RYR2: variants seen among roughly 807,000 people sequenced by gnomAD.
RYR2 encodes cardiac muscle ryanodine receptor-calcium release channel.
RYR2 carries 227 observed loss-of-function variants against 601.1 expected under a neutral mutation model. That is an observed-to-expected ratio of 0.38 (90% CI 0.34 to 0.42). The LOEUF is 0.42. Among genes scored for constraint, RYR2 ranks in the 10% least tolerant of loss-of-function variants. The pLI, the probability that RYR2 is intolerant of heterozygous loss-of-function variation, is 1.00. For missense variants in RYR2, 4,646 were observed against 6,156.5 expected (o/e 0.75, Z 8.21); for synonymous variants, 2,223 against 2,175.1 (o/e 1.02, Z -0.61).
At chr1:237,309,914 A>G (rs1361666807) in intron 2 of RYR2, among the ~76,000 whole-genome samples, 2 of 151,996 alleles carry the variant, frequency 1.3e-5, no homozygotes, top group Non-Finnish European at 2.9e-5. Context: ...CCAGCCAGCC[A>G]CTCCGAGTGC....
chr1:237,237,018 G>A (rs953839860), intron 1 of RYR2, among the ~76,000 whole-genome samples: 1 of 152,108 alleles, frequency 6.6e-6, no homozygotes. Flanking sequence ...ATAATGATAT[G>A]AGTGAGTGCC....
At chr1:237,553,559 T>C (rs1019050997) in intron 27 of RYR2, among the ~76,000 whole-genome samples, 1 of 152,002 alleles carries the variant, frequency 6.6e-6, no homozygotes, top group Non-Finnish European at 1.5e-5. Flanking sequence ...CATTTCCATA[T>C]ACATTTAGAT....
intron 12 of RYR2, among the ~76,000 whole-genome samples, chr1:237,428,602 G>T (rs1706453781): frequency 1.3e-5 from 2 of 149,216 alleles, no homozygotes; most frequent in African/African-American, 4.9e-5. Context: ...TCTCGGTGGG[G>T]CGGGGGTGCA....
intron 1 of RYR2, among the ~76,000 whole-genome samples, chr1:237,187,045 C>G (rs1679422852): frequency 6.6e-6 from 1 of 152,154 alleles, no homozygotes; most frequent in African/African-American, 2.4e-5. Flanking sequence ...TTTGCGAACT[C>G]TGAAAGTCAA....
rs917205535 is a variant in RYR2 at position 237,178,390 on chromosome 1, G to A, written c.49-92107G>A. On this transcript the variant is annotated intron_variant, in intron 1 of 104. Coordinates refer to ENST00000366574, the MANE Select transcript of RYR2 (RefSeq NM_001035.3). ...TTGTTAAGGCTTTTTTGTTTTTGTAGTTAAGGCTCTTTTGTAGTTAAGGCT... is the reference window on the plus strand; with the variant it reads ...TTGTTAAGGCTTTTTTGTTTTTGTAATTAAGGCTCTTTTGTAGTTAAGGCT... 2.1e-5 allele frequency among the ~76,000 whole-genome samples: 3 copies of A among 140,500 alleles called. No homozygotes were observed. In the South Asian group the frequency reaches 7.0e-4, roughly 33 times the overall value. 92.2% of individuals were successfully genotyped at this position (140,500 alleles called of 152,430 possible).
chr1:237,479,322 A>G (rs895986779), intron 17 of RYR2, among the ~76,000 whole-genome samples: 5 of 152,204 alleles, frequency 3.3e-5, no homozygotes, highest in South Asian at 2.1e-4. Context: ...TTGTCAATGT[A>G]TTGCACAACC....
At position 237,106,622 on chromosome 1, in the gene RYR2, G is replaced by C. The variant is rs1305276337; in HGVS notation, c.48+64053G>C. 6.6e-6 allele frequency among the ~76,000 whole-genome samples: 1 copy of C among 152,156 alleles called. No homozygotes were observed. The highest frequency in any genetic ancestry group is 1.5e-5 in the Non-Finnish European group (1 of 68,030). On this transcript the variant is annotated intron_variant, in intron 1 of 104. Transcript: ENST00000366574. This position sits in a 1 kb window ranked among gnomAD's most constrained non-coding sequence, Gnocchi z 4.4. Reference sequence around the variant, plus strand: ...GACTTCTGGAGAGAGGGCTGAAACTGTCCTTGAAAAAATGGATTTCTCAGT... The same window carrying C: ...GACTTCTGGAGAGAGGGCTGAAACTCTCCTTGAAAAAATGGATTTCTCAGT...
intron 20 of RYR2, among the ~76,000 whole-genome samples, chr1:237,497,738 T>A (rs1664223784): frequency 6.6e-6 from 1 of 152,214 alleles, no homozygotes; most frequent in Non-Finnish European, 1.5e-5. Flanking sequence ...GCTAATGAGT[T>A]TATATCTAAA....
intron 4 of RYR2, among the ~76,000 whole-genome samples, chr1:237,360,247 T>C (rs141555154): frequency 1.4e-4 from 22 of 152,348 alleles, no homozygotes; most frequent in African/African-American, 4.3e-4. Flanking sequence ...ATGATCTGAA[T>C]AGAGGGCAGG....
rs367818536 is a variant in RYR2, at chr1:237,643,420, G to A, written c.7315G>A (p.Ala2439Thr). ...LGDLVGVISIAFQMPTIAKDG... is the reference protein window; with the variant it reads ...LGDLVGVISITFQMPTIAKDG... ...AGATTTGGTGGGCGTTATCAGCATC[G>A]CTTTTCAGATGCCAACAATAGCCAA... The change falls in exon 48 of 105, where the codon GCT becomes ACT. Residue 2439 changes from alanine to threonine, a missense_variant. By Grantham distance (58) the Ala-to-Thr change is moderately conservative. Transcript: ENST00000366574. 1.1e-5 allele frequency: 17 copies of A among 1,613,638 alleles called. No individual in the cohort carries two copies. The highest frequency in any genetic ancestry group is 8.0e-5 in the African/African-American group (6 of 74,872).
chr1:237,644,068 C>T (rs371081281), intron 48 of RYR2, among the ~76,000 whole-genome samples: 1 of 152,210 alleles, frequency 6.6e-6, no homozygotes, highest in African/African-American at 2.4e-5. Context: ...TGTCATTGGT[C>T]GCAAGCTCTT....
rs1366262872 is a variant in RYR2, at chr1:237,759,833, G to A, written c.11383G>A (p.Gly3795Ser). 5.0e-6 allele frequency: 8 copies of A among 1,611,782 alleles called. No homozygotes were observed. Among genetic ancestry groups the A allele is most frequent in the African/African-American group, 1.3e-5 (1 of 74,782 alleles). ...KDVGFFQSLA[G>S]LMQSCSVLDL... ...TGTGGGCTTCTTTCAGAGCCTGGCC[G>A]GCCTGATGCAGTCATGTAGGTAAGG... Residue 3795 changes from glycine to serine, a missense_variant, in exon 83 of 105, where the codon GGC becomes AGC. By Grantham distance (56) the Gly-to-Ser change is moderately conservative. Around this residue, in one of 17 missense-constraint regions of RYR2, gnomAD observed 1,497 missense variants for 1,842.6 expected, o/e 0.81. Coordinates refer to ENST00000366574, the MANE Select transcript of RYR2 (RefSeq NM_001035.3).
chr1:237,553,459 T>C (rs1036194014), intron 27 of RYR2, among the ~76,000 whole-genome samples: 1 of 152,002 alleles, frequency 6.6e-6, no homozygotes, highest in Non-Finnish European at 1.5e-5. Flanking sequence ...TCCATTGTCT[T>C]CATTTTTATC....
intron 21 of RYR2, among the ~76,000 whole-genome samples, chr1:237,501,428 G>C (rs12725166): frequency 6.6e-6 from 1 of 151,562 alleles, no homozygotes; most frequent in African/African-American, 2.4e-5. Context: ...ATGGTGCCAA[G>C]ATGGTTTCCT....
At position 237,628,000 on chromosome 1, in the gene RYR2, G is replaced by A; in HGVS notation, c.6360G>A (p.Leu2120=). 2 of 1,613,882 alleles carry A rather than the reference G, an allele frequency of 1.2e-6. No homozygotes were observed. Among genetic ancestry groups the A allele is most frequent in the Non-Finnish European group, 1.7e-6 (2 of 1,179,880 alleles). The change falls in exon 41 of 105, where the codon CTG becomes CTA. Residue 2120 remains leucine, a synonymous_variant. Coordinates refer to ENST00000366574, the MANE Select transcript of RYR2 (RefSeq NM_001035.3). ...GVSVEDTINL[L]ASLGQIRSLL... ...CCGTGGAGGACACCATCAACCTGCT[G>A]GCATCCCTTGGTCAGATTCGGTCCC...
At chr1:237,280,544 T>G (rs1444513034) in intron 2 of RYR2, among the ~76,000 whole-genome samples, 3 of 152,124 alleles carry the variant, frequency 2.0e-5, no homozygotes, top group Non-Finnish European at 2.9e-5. Context: ...TTTCCCAATA[T>G]TTTTAGAGAA....
chr1:237,266,805 C>G (rs1689106883), intron 1 of RYR2, among the ~76,000 whole-genome samples: 1 of 151,588 alleles, frequency 6.6e-6, no homozygotes, highest in African/African-American at 2.4e-5. Flanking sequence ...CTCTCCTGAA[C>G]TGAACCATGA....
chr1:237,732,016 T>C (rs1486125839), intron 77 of RYR2, 30 bp from the exon 78 acceptor site: 1 of 1,431,268 alleles, frequency 7.0e-7, no homozygotes, highest in Non-Finnish European at 9.8e-7. Flanking sequence ...TTTTTTAATG[T>C]GACATTTTAT....
At chr1:237,405,646 C>T (rs144052665) in intron 10 of RYR2, among the ~76,000 whole-genome samples, 82 of 152,182 alleles carry the variant, frequency 5.4e-4, no homozygotes, top group Non-Finnish European at 1.0e-3. Context: ...CAAAACTTTG[C>T]CTTGACTTTT....
Sources: gnomAD v4.1 joint callset for allele counts (sites outside exome capture counted in the v4.1 genomes callset) on GRCh38, gnomAD v4.1.1 for gene constraint, gnomAD v4.1.1 regional missense constraint, Gnocchi (gnomAD v3.1) non-coding constraint, MANE v1.5 for transcripts, NCBI Gene and HGNC (gene_info 2026-07-23, HGNC 2026-07-21) for gene names.